The following NRG1 variants were observed in gnomAD, a reference collection of about 807,000 sequenced individuals.
The protein encoded by NRG1 is neuregulin 1.
NRG1 carries 18 observed loss-of-function variants against 63.8 expected under a neutral mutation model. The ratio of observed to expected loss-of-function variants is 0.28; its 90% CI spans 0.19 to 0.42. The LOEUF (loss-of-function observed/expected upper bound fraction) is 0.42, where lower values mean the gene tolerates loss of function less well. NRG1 is among the 10% of genes least tolerant of loss of function. The pLI is 1.00. For missense variants in NRG1, 762 were observed against 814.7 expected, an observed-to-expected ratio of 0.94 and a Z score of 0.79; for synonymous variants, 302 against 301.3, an observed-to-expected ratio of 1.00 and a Z score of -0.02.
At chr8:32,242,995 G>T (rs994793010) in intron 1 of NRG1, among the ~76,000 whole-genome samples, 1 of 152,122 alleles carries the variant, frequency 6.6e-6, no homozygotes, top group African/African-American at 2.4e-5. Flanking sequence ...GGTTCCTTCT[G>T]AGGGCTGCAA....
At chr8:32,087,151 C>A (rs1014637733) in intron 1 of NRG1, among the ~76,000 whole-genome samples, 1 of 152,110 alleles carries the variant, frequency 6.6e-6, no homozygotes, top group Non-Finnish European at 1.5e-5. Context: ...CTCCAAATCG[C>A]ATGTAGAAAC....
intron 6 of NRG1, among the ~76,000 whole-genome samples, chr8:32,733,363 T>A (rs1283967138): frequency 6.6e-6 from 1 of 152,138 alleles, no homozygotes; most frequent in Non-Finnish European, 1.5e-5. Flanking sequence ...TATACATTAT[T>A]ATAAGAGACA....
At chr8:31,854,998 C>G (rs1195219461) in intron 1 of NRG1, among the ~76,000 whole-genome samples, 2 of 152,028 alleles carry the variant, frequency 1.3e-5, no homozygotes, top group African/African-American at 4.8e-5. Flanking sequence ...AATTTCTGTT[C>G]TTTTACATTT....
chr8:32,157,679 T>C (rs989507772), intron 1 of NRG1, among the ~76,000 whole-genome samples: 3 of 148,862 alleles, frequency 2.0e-5, no homozygotes, highest in Middle Eastern at 3.6e-3. Flanking sequence ...TTTTTAAATA[T>C]ATGTTTATAA....
intron 1 of NRG1, among the ~76,000 whole-genome samples, chr8:31,795,513 C>T (rs1444044826): frequency 6.6e-6 from 1 of 152,160 alleles, no homozygotes; most frequent in Non-Finnish European, 1.5e-5. Flanking sequence ...TGAACTGCTT[C>T]TCCCTATATT....
At chr8:32,232,488 C>T (rs562085856) in intron 1 of NRG1, among the ~76,000 whole-genome samples, 7 of 152,164 alleles carry the variant, frequency 4.6e-5, no homozygotes, top group South Asian at 4.1e-4. Flanking sequence ...AGTAGATAGA[C>T]GTGTAGAATT....
At chr8:32,291,780 A>G (rs925041547) in intron 1 of NRG1, among the ~76,000 whole-genome samples, 1 of 152,016 alleles carries the variant, frequency 6.6e-6, no homozygotes, top group Non-Finnish European at 1.5e-5. Context: ...CCTGACCTCA[A>G]GTGATCTGCT....
At chr8:32,430,788 T>G (rs1030268238) in intron 1 of NRG1, among the ~76,000 whole-genome samples, 8 of 27,154 alleles carry the variant, frequency 2.9e-4, no homozygotes, top group Non-Finnish European at 4.7e-4. Flanking sequence ...ATGGTTTGGG[T>G]TTTTTTTTTT....
At chr8:32,078,659 G>T (rs1015653290) in intron 1 of NRG1, among the ~76,000 whole-genome samples, 5 of 152,132 alleles carry the variant, frequency 3.3e-5, no homozygotes, top group African/African-American at 9.7e-5. Context: ...TTATGAATGG[G>T]TGTCTCTCCA....
chr8:32,123,636 T>C (rs190324588), intron 1 of NRG1, among the ~76,000 whole-genome samples: 1 of 148,876 alleles, frequency 6.7e-6, no homozygotes, highest in Admixed American at 6.7e-5. Context: ...TGCATTTATA[T>C]ATCATAATAT....
chr8:32,633,494 C>T (rs899778972), intron 5 of NRG1, among the ~76,000 whole-genome samples: 5 of 152,102 alleles, frequency 3.3e-5, no homozygotes, highest in African/African-American at 1.2e-4. Context: ...AAAACATTTC[C>T]ATAACTGGAT....
chr8:32,738,196 G>C (rs187872881), intron 6 of NRG1, among the ~76,000 whole-genome samples: 1 of 152,182 alleles, frequency 6.6e-6, no homozygotes, highest in Admixed American at 6.5e-5. Flanking sequence ...TCAGGATAGG[G>C]TGCAATACAA....
At chr8:32,761,678 G>A (rs1417422491) in intron 11 of NRG1, among the ~76,000 whole-genome samples, 1 of 151,476 alleles carries the variant, frequency 6.6e-6, no homozygotes, top group East Asian at 1.9e-4. Flanking sequence ...TCATACTTGT[G>A]TGGTAGTTCC....
intron 1 of NRG1, among the ~76,000 whole-genome samples, chr8:32,163,777 C>G (rs772361966): frequency 5.9e-5 from 9 of 152,192 alleles, no homozygotes; most frequent in Non-Finnish European, 1.3e-4. Context: ...GAATATCATT[C>G]ATTTTCGGAT....
At chr8:32,072,430 C>G (rs1340206492) in intron 1 of NRG1, among the ~76,000 whole-genome samples, 1 of 152,136 alleles carries the variant, frequency 6.6e-6, no homozygotes, top group Non-Finnish European at 1.5e-5. Context: ...CCACCCCCAA[C>G]TCCATGTCTC....
intron 1 of NRG1, among the ~76,000 whole-genome samples, chr8:31,965,842 T>A (rs1806229035): frequency 6.6e-6 from 1 of 152,122 alleles, no homozygotes; most frequent in Non-Finnish European, 1.5e-5. Context: ...GGAACCATTA[T>A]CCTATGTGAA....
chr8:32,376,666 AGAG>A (rs1420888148), intron 1 of NRG1, among the ~76,000 whole-genome samples: 1 of 152,226 alleles, frequency 6.6e-6, no homozygotes, highest in Non-Finnish European at 1.5e-5. Context: ...AAAACTGAAC[AGAG>A]GAGAATTGCA....
intron 1 of NRG1, among the ~76,000 whole-genome samples, chr8:32,297,951 A>G (rs1418303617): frequency 2.6e-5 from 4 of 152,258 alleles, no homozygotes; most frequent in Non-Finnish European, 5.9e-5. Context: ...CAACTGTACT[A>G]CTAGAAGCGA....
At chr8:31,655,614 CA>C (rs1325926516) in intron 1 of NRG1, among the ~76,000 whole-genome samples, 1 of 152,156 alleles carries the variant, frequency 6.6e-6, no homozygotes, top group Non-Finnish European at 1.5e-5. Flanking sequence ...ATCTTAAAAA[CA>C]GGGGAACCCA....
Sources: gnomAD v4.1 joint callset for allele counts (sites outside exome capture counted in the v4.1 genomes callset) on GRCh38, gnomAD v4.1.1 for gene constraint, MANE v1.5 for transcripts, NCBI Gene and HGNC (gene_info 2026-07-23, HGNC 2026-07-21) for gene names.